Variants in GMDS observed in about 807,000 individuals in gnomAD.
The protein encoded by GMDS is GDP-mannose 4,6 dehydratase.
In GMDS, 20 loss-of-function variants were observed where a neutral mutation model predicts 49.9. That is an observed-to-expected ratio of 0.40 (90% CI 0.28 to 0.58). GMDS has a LOEUF of 0.58. GMDS is among the 20% of genes least tolerant of loss of function. The pLI, the probability that GMDS is intolerant of heterozygous loss-of-function variation, is 0.42. For missense variants in GMDS, 362 were observed against 481.4 expected, an observed-to-expected ratio of 0.75 and a Z score of 2.32; for synonymous variants, 177 against 178.6, an observed-to-expected ratio of 0.99 and a Z score of 0.07.
chr6:1,711,305 G>A (rs989484629), intron 9 of GMDS, among the ~76,000 whole-genome samples: 4 of 152,224 alleles, frequency 2.6e-5, no homozygotes, highest in Admixed American at 6.5e-5. Context: ...AGGGTCCACC[G>A]CTCAAGTGGT....
intron 9 of GMDS, among the ~76,000 whole-genome samples, chr6:1,695,351 C>T (rs1765302539): frequency 6.6e-6 from 1 of 152,324 alleles, no homozygotes; most frequent in East Asian, 1.9e-4. Flanking sequence ...TGAAATTCAA[C>T]TACCTTTGAG....
intron 7 of GMDS, among the ~76,000 whole-genome samples, chr6:1,911,866 T>C (rs145687573): frequency 6.6e-6 from 1 of 152,202 alleles, no homozygotes; most frequent in East Asian, 1.9e-4. Flanking sequence ...CTAAGCAAGG[T>C]CTTTGAGGGA....
intron 9 of GMDS, among the ~76,000 whole-genome samples, chr6:1,716,649 C>T (rs1228859982): frequency 6.6e-6 from 1 of 152,098 alleles, no homozygotes; most frequent in Non-Finnish European, 1.5e-5. Flanking sequence ...ACCAGCCTTG[C>T]TTCTCAGGGT....
intron 4 of GMDS, among the ~76,000 whole-genome samples, chr6:2,090,672 GT>G (rs928225737): frequency 6.6e-6 from 1 of 150,932 alleles, no homozygotes; most frequent in Non-Finnish European, 1.5e-5. Context: ...AAAACCAAAA[GT>G]TTTTGGAATG....
chr6:1,726,941 T>A (rs1362123232), intron 8 of GMDS, among the ~76,000 whole-genome samples: 2 of 152,110 alleles, frequency 1.3e-5, no homozygotes, highest in Non-Finnish European at 2.9e-5. Context: ...TTTTGTAGTT[T>A]TAGGGATATT....
At chr6:2,221,467 G>A (rs1007476637) in intron 1 of GMDS, among the ~76,000 whole-genome samples, 21 of 151,724 alleles carry the variant, frequency 1.4e-4, no homozygotes, top group African/African-American at 4.6e-4. Flanking sequence ...TGCAAGCTCC[G>A]CCTCCCGGCC....
chr6:1,971,818 C>T (rs908888863), intron 4 of GMDS, among the ~76,000 whole-genome samples: 1 of 152,216 alleles, frequency 6.6e-6, no homozygotes, highest in Non-Finnish European at 1.5e-5. Context: ...ATTTTAGCCA[C>T]AGAGGCGAAT....
intron 9 of GMDS, among the ~76,000 whole-genome samples, chr6:1,656,876 G>A (rs1763899761): frequency 6.6e-6 from 1 of 152,136 alleles, no homozygotes; most frequent in Non-Finnish European, 1.5e-5. Flanking sequence ...TGTTGGAGAA[G>A]TGCTGAGTGT....
rs145940190 is a variant in GMDS, at chr6:1,986,551, T to C, written c.346-25585A>G. ...TTTCTAAGAATGTGGTGCTACATTA[T>C]CACAAAGCTGTATTAATAGCTAATC... On this transcript the variant is annotated intron_variant, in intron 4 of 10. Coordinates refer to ENST00000380815, the MANE Select transcript of GMDS (RefSeq NM_001500.4). Among the ~76,000 whole-genome samples the C allele has an allele frequency of 1.4e-3, 208 of 152,300 alleles. 1 individual carries two copies. The highest frequency in any genetic ancestry group is 4.4e-3 in the Admixed American group (68 of 15,304).
chr6:1,629,249 G>C (rs374140278), intron 9 of GMDS, among the ~76,000 whole-genome samples: 47 of 152,284 alleles, frequency 3.1e-4, no homozygotes, highest in African/African-American at 1.1e-3. Context: ...AAGAGGGAGC[G>C]AATGTCCGAG....
In GMDS at chr6:2,115,899, TC is replaced by T; in HGVS notation, c.236-20del. On this transcript the variant is annotated intron_variant, in intron 3 of 10. Coordinates refer to ENST00000380815, the MANE Select transcript of GMDS (RefSeq NM_001500.4). ...TTCATGTCTTCAGGATACAAAAACATCCCATTAGATAGAGAAAAGCAACATA... is the reference window on the plus strand; with the variant it reads ...TTCATGTCTTCAGGATACAAAAACATCCATTAGATAGAGAAAAGCAACATA... 7.8e-7 allele frequency: 1 copy of T among 1,288,088 alleles called. No homozygotes were observed. Among genetic ancestry groups the T allele is most frequent in the East Asian group, 2.3e-5 (1 of 43,304 alleles). The allele number at this position is 1,288,088 out of a possible 1,614,324, so 79.8% of individuals were successfully genotyped here. A position where few individuals can be genotyped will look rare whatever the true frequency, so the allele number is the denominator to read the frequency against.
At chr6:1,839,838 T>TG (rs1057162849) in intron 7 of GMDS, among the ~76,000 whole-genome samples, 11 of 152,156 alleles carry the variant, frequency 7.2e-5, no homozygotes, top group African/African-American at 2.7e-4. Context: ...CGAGGGGACG[T>TG]GGGTTGCTCT....
intron 9 of GMDS, among the ~76,000 whole-genome samples, chr6:1,634,613 C>A (rs959849655): frequency 6.6e-6 from 1 of 152,208 alleles, no homozygotes; most frequent in Admixed American, 6.5e-5. Flanking sequence ...CCTTTACCGG[C>A]CCAGCACATC....
intron 9 of GMDS, among the ~76,000 whole-genome samples, chr6:1,653,919 T>A (rs1420419292): frequency 6.6e-6 from 1 of 152,134 alleles, no homozygotes; most frequent in Non-Finnish European, 1.5e-5. Flanking sequence ...ACCAAAAGCA[T>A]GGGCAACACG....
intron 1 of GMDS, among the ~76,000 whole-genome samples, chr6:2,199,567 C>G (rs887211596): frequency 1.3e-5 from 2 of 152,168 alleles, no homozygotes; most frequent in African/African-American, 2.4e-5. Flanking sequence ...TAGAATACAG[C>G]CTACTCAGGA....
At chr6:1,693,692 T>C (rs1189246279) in intron 9 of GMDS, among the ~76,000 whole-genome samples, 1 of 152,240 alleles carries the variant, frequency 6.6e-6, no homozygotes, top group African/African-American at 2.4e-5. Context: ...TATCACTCAA[T>C]GCGGCCATCA....
chr6:1,995,251 C>A (rs776832528), intron 4 of GMDS, among the ~76,000 whole-genome samples: 12 of 152,092 alleles, frequency 7.9e-5, no homozygotes, highest in Non-Finnish European at 1.8e-4. Context: ...CAAGGGAGGA[C>A]CACAGTGACA....
chr6:2,090,285 C>G, intron 4 of GMDS, among the ~76,000 whole-genome samples: 1 of 152,112 alleles, frequency 6.6e-6, no homozygotes, highest in Non-Finnish European at 1.5e-5. Context: ...ATGGAAATAC[C>G]TGGTCCCAAA....
intron 4 of GMDS, among the ~76,000 whole-genome samples, chr6:2,034,229 C>T (rs1221920527): frequency 6.6e-6 from 1 of 152,112 alleles, no homozygotes; most frequent in African/African-American, 2.4e-5. Context: ...GGCCACATAT[C>T]ATCTCTGTTG....
Sources: allele counts gnomAD v4.1 joint callset (sites outside exome capture counted in the v4.1 genomes callset), GRCh38; gene constraint gnomAD v4.1.1; transcripts MANE v1.5; gene names NCBI Gene and HGNC (gene_info 2026-07-23, HGNC 2026-07-21).